Variants in CLNK observed in about 807,000 individuals in gnomAD.
The protein encoded by CLNK is cytokine dependent hematopoietic cell linker, also known as cytokine-dependent hematopoietic cell linker.
A neutral mutation model predicts 68.6 loss-of-function variants in CLNK; 74 were observed. That is an observed-to-expected ratio of 1.08 (90% CI 0.89 to 1.31). CLNK has a LOEUF of 1.31. Among genes scored for constraint, CLNK ranks in the 50% most tolerant of loss-of-function variants. The pLI is 0.00. For missense variants in CLNK, 553 were observed against 515.3 expected (o/e 1.07, Z -0.71); for synonymous variants, 198 against 172.2 (o/e 1.15, Z -1.17).
At chr4:10,506,790 G>A (rs772671648) in intron 17 of CLNK, among the ~76,000 whole-genome samples, 9 of 152,126 alleles carry the variant, frequency 5.9e-5, no homozygotes, top group Non-Finnish European at 1.3e-4. Context: ...CCTCAGGCCT[G>A]AAACTCTCCA....
intron 7 of CLNK, among the ~76,000 whole-genome samples, chr4:10,559,784 G>A (rs921864165): frequency 2.0e-5 from 3 of 152,122 alleles, no homozygotes; most frequent in African/African-American, 7.2e-5. Flanking sequence ...ACCTACTAAT[G>A]TGTCTGTGGC....
chr4:10,514,664 G>A (rs961375560), intron 15 of CLNK, among the ~76,000 whole-genome samples: 1 of 150,996 alleles, frequency 6.6e-6, no homozygotes, highest in Non-Finnish European at 1.5e-5. Flanking sequence ...GAAAACCTAG[G>A]CATTACCATT....
intron 2 of CLNK, among the ~76,000 whole-genome samples, chr4:10,653,338 C>T (rs368796423): frequency 1.3e-4 from 19 of 151,380 alleles, no homozygotes; most frequent in East Asian, 5.8e-4. Context: ...ATTCTGCACA[C>T]GTACTCCAGA....
At chr4:10,516,551 CTTTTT>C (rs11322271) in intron 15 of CLNK, among the ~76,000 whole-genome samples, 1 of 132,440 alleles carries the variant, frequency 7.6e-6, no homozygotes, top group Non-Finnish European at 1.6e-5. Context: ...AGGATTGTAG[CTTTTT>C]TTTTTTTTTT....
In CLNK at chr4:10,662,115, G is replaced by A. The variant is rs78571526; in HGVS notation, c.11+5744C>T. On this transcript the variant is annotated intron_variant, in intron 2 of 18. Coordinates refer to ENST00000226951, the MANE Select transcript of CLNK (RefSeq NM_052964.4). The stretch of plus-strand genomic sequence containing the variant: ...CATAATATTAGACTATTATGGTAGA[G>A]TTACATAATGTATGCAGCATACACA... 4.6e-3 allele frequency among the ~76,000 whole-genome samples: 704 copies of A among 152,260 alleles called. 4 individuals carry two copies. The highest frequency in any genetic ancestry group is 5.1e-3 in the Non-Finnish European group (349 of 68,032).
intron 4 of CLNK, among the ~76,000 whole-genome samples, chr4:10,575,171 C>CTA (rs1273946483): frequency 1.3e-5 from 2 of 152,212 alleles, no homozygotes; most frequent in Non-Finnish European, 2.9e-5. Flanking sequence ...AATCCCGTAC[C>CTA]TATCTCCATT....
chr4:10,602,373 G>T (rs1269328212), intron 2 of CLNK, among the ~76,000 whole-genome samples: 2 of 152,216 alleles, frequency 1.3e-5, no homozygotes, highest in African/African-American at 4.8e-5. Flanking sequence ...CTTTAGCAAT[G>T]TAACTAAGCT....
At chr4:10,622,843 A>G (rs1722512602) in intron 2 of CLNK, among the ~76,000 whole-genome samples, 1 of 152,158 alleles carries the variant, frequency 6.6e-6, no homozygotes, top group African/African-American at 2.4e-5. Flanking sequence ...AGCATGGTCA[A>G]GTTCTTGGTG....
chr4:10,661,412 A>G (rs1724187411), intron 2 of CLNK, among the ~76,000 whole-genome samples: 1 of 152,238 alleles, frequency 6.6e-6, no homozygotes, highest in South Asian at 2.1e-4. Flanking sequence ...TGAGAAATAC[A>G]CAAGCATGAT....
At chr4:10,685,762 A>C (rs1725248124), upstream of CLNK, among the ~76,000 whole-genome samples, 1 of 152,214 alleles carries the variant, frequency 6.6e-6, no homozygotes, top group Admixed American at 6.5e-5. Context: ...ACTTGCAAGC[A>C]TTATCCTCCT....
intron 15 of CLNK, among the ~76,000 whole-genome samples, chr4:10,518,195 G>A (rs1717918523): frequency 1.3e-5 from 2 of 151,986 alleles, no homozygotes; most frequent in Admixed American, 6.6e-5. Flanking sequence ...AAAGGCATGG[G>A]TTGAAAAACC....
chr4:10,655,334 C>CAGACAG (rs771027553), intron 2 of CLNK, among the ~76,000 whole-genome samples: 1 of 135,326 alleles, frequency 7.4e-6, no homozygotes, highest in Non-Finnish European at 1.6e-5. Context: ...CCCCCAAAGA[C>CAGACAG]AGAGAGAGAG....
In CLNK at chr4:10,501,281, A is replaced by G. The variant is rs1717034752; in HGVS notation, c.1115T>C (p.Leu372Pro). Residue 372 changes from leucine to proline, a missense_variant, in exon 18 of 19, where the codon CTG (leucine) becomes CCG (proline). Leu to Pro is a moderately conservative substitution (Grantham distance 98). Coordinates refer to ENST00000226951, the MANE Select transcript of CLNK (RefSeq NM_052964.4). ...CTCATCTCCTCTGAGTCCTGTCCCC[A>G]GGGCAAACTGCTGATTCCTCTCCAG... ...RFLERNQQFA[L>P]GTGLRGDEKF... 6.3e-7 allele frequency: 1 copy of G among 1,599,648 alleles called. No homozygotes were observed. The highest frequency in any genetic ancestry group is 8.5e-7 in the Non-Finnish European group (1 of 1,175,466).
chr4:10,509,136 C>T (rs1481845640), intron 16 of CLNK, among the ~76,000 whole-genome samples: 4 of 143,884 alleles, frequency 2.8e-5, no homozygotes, highest in Non-Finnish European at 4.5e-5. Flanking sequence ...GAAGTCTAAA[C>T]CTGTCACATG....
intron 16 of CLNK, among the ~76,000 whole-genome samples, chr4:10,510,009 ACTG>A (rs1431276713): frequency 1.3e-5 from 2 of 152,212 alleles, no homozygotes; most frequent in African/African-American, 4.8e-5. Context: ...GAGGTGGTCT[ACTG>A]CTTCCAGGGG....
chr4:10,571,050 T>A (rs1161270829), intron 5 of CLNK, among the ~76,000 whole-genome samples: 1 of 152,178 alleles, frequency 6.6e-6, no homozygotes, highest in Non-Finnish European at 1.5e-5. Flanking sequence ...GTTGCTTACT[T>A]GATATTATGA....
chr4:10,558,312 T>C (rs909427252), intron 8 of CLNK, 95 bp downstream of exon 8: 1 of 999,000 alleles, frequency 1.0e-6, no homozygotes, highest in Non-Finnish European at 1.6e-6. Context: ...TTGTGTAAGA[T>C]CACCCATGAC....
At chr4:10,642,158 A>G (rs4320131) in intron 2 of CLNK, among the ~76,000 whole-genome samples, 32,764 of 152,150 alleles carry the variant, frequency 0.22, 3,822 homozygotes, top group Middle Eastern at 0.33. Context: ...CAAAGTAAAA[A>G]TAAATACACA....
intron 2 of CLNK, among the ~76,000 whole-genome samples, chr4:10,643,690 C>T (rs1041690680): frequency 6.6e-6 from 1 of 152,210 alleles, no homozygotes; most frequent in Non-Finnish European, 1.5e-5. Flanking sequence ...TAATATACCC[C>T]CAGTCAGAGT....
Sources: gnomAD v4.1 joint callset for allele counts (sites outside exome capture counted in the v4.1 genomes callset) on GRCh38, gnomAD v4.1.1 for gene constraint, MANE v1.5 for transcripts, NCBI Gene and HGNC (gene_info 2026-07-23, HGNC 2026-07-21) for gene names.